Variants in SOCS5 observed in about 807,000 individuals in gnomAD.
SOCS5 encodes the protein suppressor of cytokine signaling 5.
Under a neutral mutation model 42.8 loss-of-function variants are expected in SOCS5, and 32 were observed. The observed-to-expected ratio is 0.75, with a 90% CI of 0.56 to 1.01. The LOEUF is 1.01. SOCS5 is among the 50% of genes least tolerant of loss of function. The pLI is 0.00. For synonymous variants in SOCS5, 283 were observed against 229.6 expected (o/e 1.23, Z -2.10); for missense variants, 627 against 653.0 (o/e 0.96, Z 0.43).
chr2:46,727,379 A>G (rs1314347401), intron 1 of SOCS5, among the ~76,000 whole-genome samples: 1 of 151,972 alleles, frequency 6.6e-6, no homozygotes, highest in Non-Finnish European at 1.5e-5. Flanking sequence ...ATGCAAGTTG[A>G]TATTTTCTGG....
intron 1 of SOCS5, among the ~76,000 whole-genome samples, chr2:46,712,035 A>T (rs963315405): frequency 6.6e-6 from 1 of 152,090 alleles, no homozygotes; most frequent in Non-Finnish European, 1.5e-5. Flanking sequence ...ATTTTTCAAG[A>T]TTGTTTAGAC....
At chr2:46,754,480 A>G (rs1317609322) in intron 1 of SOCS5, among the ~76,000 whole-genome samples, 1 of 152,158 alleles carries the variant, frequency 6.6e-6, no homozygotes, top group Non-Finnish European at 1.5e-5. Flanking sequence ...TAATTAAATC[A>G]CATAGTTACA....
At chr2:46,751,329 G>A (rs1417285448) in intron 1 of SOCS5, among the ~76,000 whole-genome samples, 1 of 151,812 alleles carries the variant, frequency 6.6e-6, no homozygotes, top group Non-Finnish European at 1.5e-5. Context: ...TAGATTTACT[G>A]TTAAAAAATG....
rs540597196 is a variant in SOCS5 at position 46,749,696 on chromosome 2, G to A, written c.-12-8823G>A. On this transcript the variant is annotated intron_variant, in intron 1 of 1. Transcript: ENST00000394861. ...CCAAATGAATAAGGACTGTGTTCCCGGACCTTACCCAGTACTGTACAGATT... is the reference window on the plus strand; with the variant it reads ...CCAAATGAATAAGGACTGTGTTCCCAGACCTTACCCAGTACTGTACAGATT... Among the ~76,000 whole-genome samples the A allele has an allele frequency of 3.9e-5, 6 of 152,190 alleles. No individual in the cohort carries two copies. In the East Asian group the frequency reaches 9.6e-4, roughly 24 times the overall value.
rs143799189 is a variant in SOCS5 at position 46,758,963 on chromosome 2, A to G, written c.433A>G (p.Thr145Ala). The change falls in exon 2 of 2, where the codon ACT becomes GCT. Residue 145 changes from threonine (T) to alanine (A), a missense_variant. By Grantham distance (58) the Thr-to-Ala change is moderately conservative (BLOSUM62 0). Coordinates refer to ENST00000394861, the MANE Select transcript of SOCS5 (RefSeq NM_144949.3). ...GGATGCTGATAAAAAGTTTGGTAGA[A>G]CTCGAAGTGGACTTCAAAGGAGAGA... is the stretch of plus-strand genomic sequence containing the variant. ...SLDADKKFGR[T>A]RSGLQRRERR... The G allele has an allele frequency of 1.9e-6, 3 of 1,613,976 alleles. No homozygotes were observed. The highest frequency in any genetic ancestry group is 2.5e-6 in the Non-Finnish European group (3 of 1,179,850).
intron 1 of SOCS5, among the ~76,000 whole-genome samples, chr2:46,713,047 A>T (rs903491205): frequency 6.6e-6 from 1 of 152,178 alleles, no homozygotes; most frequent in African/African-American, 2.4e-5. Flanking sequence ...TTAATTAAGG[A>T]ATTTAATTTA....
At chr2:46,737,178 A>T (rs1359863313) in intron 1 of SOCS5, among the ~76,000 whole-genome samples, 1 of 152,226 alleles carries the variant, frequency 6.6e-6, no homozygotes, top group African/African-American at 2.4e-5. Flanking sequence ...TTAAAAGTAG[A>T]TCCAAGAGTG....
chr2:46,711,206 T>C (rs999619856), intron 1 of SOCS5, among the ~76,000 whole-genome samples: 4 of 152,236 alleles, frequency 2.6e-5, no homozygotes, highest in Admixed American at 2.6e-4. Context: ...GGTCTATGTT[T>C]AGCATTATGA....
chr2:46,741,354 C>T (rs2103741262), intron 1 of SOCS5, among the ~76,000 whole-genome samples: 1 of 152,222 alleles, frequency 6.6e-6, no homozygotes, highest in East Asian at 1.9e-4. Flanking sequence ...ATTCTTTTAC[C>T]TCAATGTCCA....
intron 1 of SOCS5, among the ~76,000 whole-genome samples, chr2:46,751,959 A>G (rs1673631748): frequency 6.6e-6 from 1 of 152,224 alleles, no homozygotes; most frequent in East Asian, 1.9e-4. Flanking sequence ...ATCACTGACC[A>G]TAAATAAGGT....
At chr2:46,750,268 A>C (rs918267682) in intron 1 of SOCS5, among the ~76,000 whole-genome samples, 3 of 152,198 alleles carry the variant, frequency 2.0e-5, no homozygotes, top group Non-Finnish European at 4.4e-5. Flanking sequence ...GATTTCTGCT[A>C]GGCTCGGCGT....
chr2:46,747,231 T>G (rs898954197), intron 1 of SOCS5, among the ~76,000 whole-genome samples: 1 of 152,000 alleles, frequency 6.6e-6, no homozygotes, highest in Non-Finnish European at 1.5e-5. Flanking sequence ...GGTCTCTTAC[T>G]TTTTTTTGAG....
At chr2:46,727,243 G>C (rs1371142176) in intron 1 of SOCS5, among the ~76,000 whole-genome samples, 1 of 149,614 alleles carries the variant, frequency 6.7e-6, no homozygotes, top group Non-Finnish European at 1.5e-5. Flanking sequence ...CCGCCTCCCG[G>C]GTTCACGCCA....
chr2:46,730,571 G>A (rs1178293141), intron 1 of SOCS5, among the ~76,000 whole-genome samples: 1 of 152,018 alleles, frequency 6.6e-6, no homozygotes, highest in Non-Finnish European at 1.5e-5. Flanking sequence ...CTGCAGTCCA[G>A]CCTGGGCGAC....
chr2:46,704,571 A>G (rs1283941703), intron 1 of SOCS5, among the ~76,000 whole-genome samples: 4 of 152,174 alleles, frequency 2.6e-5, no homozygotes, highest in South Asian at 2.1e-4. Flanking sequence ...ACGTCTTTGT[A>G]TCAGGATGTA....
intron 1 of SOCS5, among the ~76,000 whole-genome samples, chr2:46,709,766 A>G (rs567978956): frequency 2.0e-5 from 3 of 152,340 alleles, no homozygotes; most frequent in Admixed American, 6.5e-5. Flanking sequence ...TGAACAGAGG[A>G]TACTATAACA....
intron 1 of SOCS5, among the ~76,000 whole-genome samples, chr2:46,747,268 T>C (rs1411677380): frequency 6.6e-6 from 1 of 152,172 alleles, no homozygotes; most frequent in Non-Finnish European, 1.5e-5. Context: ...TTGGTCAGGC[T>C]GGAGTGTGAT....
At chr2:46,750,291 G>A (rs1673595298) in intron 1 of SOCS5, among the ~76,000 whole-genome samples, 1 of 152,104 alleles carries the variant, frequency 6.6e-6, no homozygotes, top group Admixed American at 6.6e-5. Flanking sequence ...CCTCCTACGT[G>A]ATACCAGAAG....
At position 46,746,927 on chromosome 2, in the gene SOCS5, T is replaced by TC. The variant is rs1369662838; in HGVS notation, c.-12-11592_-12-11591insC. On this transcript the variant is annotated intron_variant, in intron 1 of 1. Coordinates refer to ENST00000394861, the MANE Select transcript of SOCS5 (RefSeq NM_144949.3). The stretch of plus-strand genomic sequence containing the variant: ...CAATTTGCATGACTTTATTTCTTTT[T>TC]TTTTTTTTTTTTTTTTGCCTTATTG... 3.7e-4 allele frequency among the ~76,000 whole-genome samples: 48 copies of TC among 131,320 alleles called. 1 individual carries two copies. Among genetic ancestry groups the TC allele is most frequent in the African/African-American group, 1.7e-3 (46 of 27,802 alleles). The allele number at this position is 131,320 out of a possible 152,430, so 86.2% of individuals were successfully genotyped here. A position where few individuals can be genotyped will look rare whatever the true frequency, so the allele number is the denominator to read the frequency against.
Sources: allele counts gnomAD v4.1 joint callset (sites outside exome capture counted in the v4.1 genomes callset), GRCh38; gene constraint gnomAD v4.1.1; transcripts MANE v1.5; gene names NCBI Gene and HGNC (gene_info 2026-07-23, HGNC 2026-07-21).